NALCN: variants seen among roughly 807,000 people sequenced by gnomAD.
NALCN encodes the protein sodium leak channel, non-selective, also known as sodium leak channel NALCN.
A neutral mutation model predicts 225.3 loss-of-function variants in NALCN; 111 were observed. The observed-to-expected ratio is 0.49, with a 90% CI of 0.42 to 0.58. The LOEUF is 0.58. Ranked by LOEUF, NALCN falls within the 20% of genes least tolerant of loss-of-function variation. The pLI is 0.00. For missense variants in NALCN, 1,378 were observed against 2,202.4 expected, an observed-to-expected ratio of 0.63 and a Z score of 7.49; for synonymous variants, 764 against 769.0, an observed-to-expected ratio of 0.99 and a Z score of 0.11.
chr13:101,132,977 G>C (rs747627801), intron 17 of NALCN, among the ~76,000 whole-genome samples: 2 of 152,100 alleles, frequency 1.3e-5, no homozygotes, highest in African/African-American at 2.4e-5. Context: ...CACTGAAAGA[G>C]ATCAATACAT....
chr13:101,116,989 G>A (rs778224492), intron 18 of NALCN: 24 of 514,512 alleles, frequency 4.7e-5, no homozygotes, highest in African/African-American at 9.6e-5. Flanking sequence ...GGGTGAGCTC[G>A]TCGGTAATGG....
At chr13:101,192,665 A>AC (rs1594404735) in intron 13 of NALCN, among the ~76,000 whole-genome samples, 2 of 136,110 alleles carry the variant, frequency 1.5e-5, no homozygotes, top group Non-Finnish European at 3.0e-5. Flanking sequence ...CCAAGACCAA[A>AC]AAAACAAACA....
chr13:101,411,631 A>C (rs1405992512), intron 1 of NALCN, among the ~76,000 whole-genome samples: 4 of 152,100 alleles, frequency 2.6e-5, no homozygotes, highest in African/African-American at 9.7e-5. Flanking sequence ...TACAGGCGTG[A>C]GCCACCGCGC....
chr13:101,218,622 A>G (rs928878821), intron 13 of NALCN, among the ~76,000 whole-genome samples: 1 of 152,054 alleles, frequency 6.6e-6, no homozygotes, highest in Non-Finnish European at 1.5e-5. Context: ...GTTTCTCAGG[A>G]ATGGTTGAGC....
intron 7 of NALCN, among the ~76,000 whole-genome samples, chr13:101,327,652 T>A (rs749365550): frequency 6.6e-6 from 1 of 152,098 alleles, no homozygotes; most frequent in Non-Finnish European, 1.5e-5. Flanking sequence ...CTTTTAAAAA[T>A]TCATGTTTAG....
At chr13:101,121,997 T>C (rs1036464642) in intron 18 of NALCN, among the ~76,000 whole-genome samples, 1 of 152,108 alleles carries the variant, frequency 6.6e-6, no homozygotes, top group African/African-American at 2.4e-5. Flanking sequence ...CCCTCTTTTT[T>C]TCCTTTTAGC....
chr13:101,340,924 T>C (rs552929223), intron 7 of NALCN, among the ~76,000 whole-genome samples: 14 of 152,310 alleles, frequency 9.2e-5, no homozygotes, highest in African/African-American at 3.1e-4. Flanking sequence ...ATTTGGATTT[T>C]TGAGTTATTT....
At chr13:101,184,041 A>G (rs571369565) in intron 14 of NALCN, among the ~76,000 whole-genome samples, 8 of 152,230 alleles carry the variant, frequency 5.3e-5, no homozygotes, top group South Asian at 2.1e-4. Context: ...TGTGTAATAT[A>G]CAGCTGATGT....
rs1306575486 is a variant in NALCN at position 101,395,201 on chromosome 13, G to T, written c.273C>A (p.His91Gln). The T allele has an allele frequency of 6.2e-7, 1 of 1,613,354 alleles. No homozygotes were observed. The highest frequency in any genetic ancestry group is 2.2e-5 in the East Asian group (1 of 44,872). The change falls in exon 3 of 44, where the codon CAC becomes CAA. Residue 91 changes from histidine (H) to glutamine (Q), a missense_variant. By Grantham distance (24) the His-to-Gln change is conservative (BLOSUM62 0). Transcript: ENST00000251127. ...TGCTCACCTTGACAATGCCCCGGATGTGCATTTTTGCTATCATCTCTGCCG... is the reference window on the plus strand; with the variant it reads ...TGCTCACCTTGACAATGCCCCGGATTTGCATTTTTGCTATCATCTCTGCCG... ...LYTAEMIAKMHIRGIVKGDSS... is the reference protein window; with the variant it reads ...LYTAEMIAKMQIRGIVKGDSS...
At chr13:101,080,580 T>C (rs1428266857) in intron 34 of NALCN, among the ~76,000 whole-genome samples, 1 of 143,636 alleles carries the variant, frequency 7.0e-6, no homozygotes, top group African/African-American at 2.5e-5. Context: ...CAAATAATTA[T>C]ATAATTAAAT....
At chr13:101,326,468 C>G (rs1047635448) in intron 7 of NALCN, among the ~76,000 whole-genome samples, 2 of 152,144 alleles carry the variant, frequency 1.3e-5, no homozygotes, top group African/African-American at 4.8e-5. Flanking sequence ...ACTCTACTTC[C>G]CAGACGACTA....
chr13:101,065,553 G>T lies in NALCN; in HGVS notation c.4455C>A (p.Ile1485=). ...NMVDDKREGV[I]PTFRVKFLLR... is the part of the protein sequence containing the mutation. ...GCAGGAACTTGACGCGGAACGTGGG[G>T]ATCACCCCCTGCGGGGCAGAGCACA... The change falls in exon 40 of 44, where the codon ATC becomes ATA. Residue 1485 remains isoleucine (I), a synonymous_variant. Coordinates refer to ENST00000251127, the MANE Select transcript of NALCN (RefSeq NM_052867.4). 1 of 1,613,838 alleles carries T rather than the reference G, an allele frequency of 6.2e-7. No homozygotes were observed. The highest frequency in any genetic ancestry group is 8.5e-7 in the Non-Finnish European group (1 of 1,179,980).
chr13:101,346,087 C>CTCTCTCTATA, intron 6 of NALCN, among the ~76,000 whole-genome samples: 330 of 70,924 alleles, frequency 4.7e-3, no homozygotes, highest in East Asian at 0.013. Flanking sequence ...CTCTCTCTCT[C>CTCTCTCTATA]TATATATATA....
chr13:101,301,261 TC>T (rs1298309076), intron 7 of NALCN, among the ~76,000 whole-genome samples: 1 of 152,168 alleles, frequency 6.6e-6, no homozygotes, highest in African/African-American at 2.4e-5. Flanking sequence ...ACTACAGCAC[TC>T]CCTGCGCCCC....
chr13:101,313,675 G>A (rs924857630), intron 7 of NALCN, among the ~76,000 whole-genome samples: 10 of 152,216 alleles, frequency 6.6e-5, no homozygotes, highest in African/African-American at 2.4e-5. Context: ...GTGCTGGAGA[G>A]GATGTGGAGA....
intron 7 of NALCN, among the ~76,000 whole-genome samples, chr13:101,297,255 T>C (rs1219620297): frequency 6.6e-6 from 1 of 152,118 alleles, no homozygotes; most frequent in Non-Finnish European, 1.5e-5. Context: ...ACAAAATACC[T>C]ATAGTACTAT....
intron 12 of NALCN, among the ~76,000 whole-genome samples, chr13:101,230,680 C>A (rs2041308436): frequency 6.6e-6 from 1 of 152,152 alleles, no homozygotes; most frequent in South Asian, 2.1e-4. Context: ...CCTGTCCAAC[C>A]CGACAGGCTG....
chr13:101,106,672 A>G (rs2035123584), intron 22 of NALCN, among the ~76,000 whole-genome samples: 1 of 152,040 alleles, frequency 6.6e-6, no homozygotes, highest in South Asian at 2.1e-4. Flanking sequence ...GTCTCATGAG[A>G]TCTGATGATT....
At chr13:101,354,237 G>T (rs1257508446) in intron 6 of NALCN, among the ~76,000 whole-genome samples, 1 of 152,158 alleles carries the variant, frequency 6.6e-6, no homozygotes, top group African/African-American at 2.4e-5. Flanking sequence ...CAGCTACTTG[G>T]GAGGCTGAGG....
Sources: allele counts gnomAD v4.1 joint callset (sites outside exome capture counted in the v4.1 genomes callset), GRCh38; gene constraint gnomAD v4.1.1; transcripts MANE v1.5; gene names NCBI Gene and HGNC (gene_info 2026-07-23, HGNC 2026-07-21).